Variants in VPS13B observed in about 807,000 individuals in gnomAD.
The protein encoded by VPS13B is vacuolar protein sorting 13 homolog B.
A neutral mutation model predicts 426.4 loss-of-function variants in VPS13B; 285 were observed. The ratio of observed to expected loss-of-function variants is 0.67; its 90% CI spans 0.61 to 0.74. The LOEUF (loss-of-function observed/expected upper bound fraction) is 0.74. Among genes scored for constraint, VPS13B ranks in the 30% least tolerant of loss-of-function variants. The pLI, the probability that VPS13B is intolerant of heterozygous loss-of-function variation, is 0.00. For missense variants in VPS13B, 4,537 were observed against 4,782.6 expected, an observed-to-expected ratio of 0.95 and a Z score of 1.51; for synonymous variants, 1,676 against 1,676.4, an observed-to-expected ratio of 1.00 and a Z score of 0.01.
chr8:99,537,796 G>A (rs1350849174), intron 30 of VPS13B, among the ~76,000 whole-genome samples: 1 of 152,136 alleles, frequency 6.6e-6, no homozygotes, highest in East Asian at 1.9e-4. Flanking sequence ...ATGATGATCA[G>A]TGTTTTGCTA....
At chr8:99,326,450 AGCTTTTTT>A (rs1810264388) in intron 19 of VPS13B, among the ~76,000 whole-genome samples, 1 of 22,686 alleles carries the variant, frequency 4.4e-5, no homozygotes, top group African/African-American at 1.8e-4. Context: ...ATCTCTAGGT[AGCTTTTTT>A]TTTTTTTTTT....
At chr8:99,377,500 C>T (rs977163106) in intron 19 of VPS13B, among the ~76,000 whole-genome samples, 1 of 152,142 alleles carries the variant, frequency 6.6e-6, no homozygotes, top group African/African-American at 2.4e-5. Flanking sequence ...AACAATTTGT[C>T]ATTTCTGTGA....
rs34752686 is a variant in VPS13B, at chr8:99,474,183, A to ATTTTTTTTTTT, written c.3666+6559_3666+6569dup. ...TCTTCAAACAATGGACTGTTATCCA[A>ATTTTTTTTTTT]TTTTTTTTTTTTTTTTTTTTGTGGA... On this transcript the variant is annotated intron_variant, in intron 24 of 61. Coordinates refer to ENST00000357162, the MANE Select transcript of VPS13B (RefSeq NM_152564.5). Among the ~76,000 whole-genome samples, 251 of 124,932 alleles carry ATTTTTTTTTTT rather than the reference A, an allele frequency of 2.0e-3. 12 individuals are homozygous for ATTTTTTTTTTT. The highest frequency in any genetic ancestry group is 7.7e-3 in the African/African-American group (237 of 30,720). 82.0% of individuals were successfully genotyped at this position (124,932 alleles called of 152,430 possible). A position where few individuals can be genotyped will look rare whatever the true frequency, so the allele number is the denominator to read the frequency against.
At chr8:99,870,735 C>CTGTT (rs1001204225) in intron 59 of VPS13B, 50 bp from the exon 60 acceptor site, 2 of 1,533,438 alleles carry the variant, frequency 1.3e-6, no homozygotes, top group African/African-American at 1.4e-5. Context: ...CAGCATGAAA[C>CTGTT]TGTTTTCCAG....
intron 33 of VPS13B, among the ~76,000 whole-genome samples, chr8:99,616,402 T>G (rs1057038686): frequency 6.6e-6 from 1 of 152,134 alleles, no homozygotes; most frequent in Non-Finnish European, 1.5e-5. Flanking sequence ...GTTCTGCCTA[T>G]AGGGGTGAAG....
At position 99,442,318 on chromosome 8, in the gene VPS13B, T is replaced by C. The variant is rs969314005; in HGVS notation, c.3211-83T>C. ...AATATGGAACATTTACTTTTTTTGG[T>C]TGTTTATTCTGGCGAAGATGTTAGG... On this transcript the variant is annotated intron_variant, in intron 22 of 61. Transcript: ENST00000357162. The C allele has an allele frequency of 9.4e-6, 11 of 1,172,088 alleles. No homozygotes were observed. The Admixed American group carries it at 1.8e-4, about 20-fold the overall frequency. 72.6% of individuals were successfully genotyped at this position (1,172,088 alleles called of 1,614,324 possible). A position where few individuals can be genotyped will look rare whatever the true frequency, so the allele number is the denominator to read the frequency against.
chr8:99,142,107 A>T (rs1006074251), intron 12 of VPS13B, among the ~76,000 whole-genome samples: 4 of 152,150 alleles, frequency 2.6e-5, no homozygotes, highest in Non-Finnish European at 5.9e-5. Context: ...TGTTCATATG[A>T]TGAAGACTAA....
chr8:99,757,844 G>C (rs974113345), intron 39 of VPS13B, among the ~76,000 whole-genome samples: 1 of 152,130 alleles, frequency 6.6e-6, no homozygotes, highest in Non-Finnish European at 1.5e-5. Flanking sequence ...TTTAGGTCCT[G>C]TCAAATAATG....
At chr8:99,090,467 A>G (rs1846083252) in intron 3 of VPS13B, among the ~76,000 whole-genome samples, 1 of 151,942 alleles carries the variant, frequency 6.6e-6, no homozygotes, top group Admixed American at 6.6e-5. Context: ...ACAGGGTTAC[A>G]CCATGTTGGC....
intron 19 of VPS13B, among the ~76,000 whole-genome samples, chr8:99,300,547 C>T (rs1055779349): frequency 6.6e-6 from 1 of 152,108 alleles, no homozygotes; most frequent in Non-Finnish European, 1.5e-5. Flanking sequence ...TGTAACCAAC[C>T]CTAATATGTG....
At position 99,071,990 on chromosome 8, in the gene VPS13B, A is replaced by T. The variant is rs77900014; in HGVS notation, c.292-24322A>T. 8.7e-3 allele frequency among the ~76,000 whole-genome samples: 1,318 copies of T among 152,258 alleles called. 16 individuals carry two copies. The highest frequency in any genetic ancestry group is 0.015 in the Admixed American group (237 of 15,302). Reference sequence around the variant, plus strand: ...AGGGCAGTGGGCTCCCCTCTGGCCCAGGACAGACCCAGAAATGCCATCCAG... The same window carrying T: ...AGGGCAGTGGGCTCCCCTCTGGCCCTGGACAGACCCAGAAATGCCATCCAG... On this transcript the variant is annotated intron_variant, in intron 3 of 61. Transcript: ENST00000357162.
rs1588743592 is a variant in VPS13B at position 99,818,515 on chromosome 8, C to G, written c.8426C>G (p.Ser2809Cys). The G allele has an allele frequency of 1.2e-6, 2 of 1,613,934 alleles. No individual in the cohort carries two copies. The highest frequency in any genetic ancestry group is 1.7e-6 in the Non-Finnish European group (2 of 1,179,972). ...ACAGTTTTGACTTTAGAACCCAACT[C>G]TCAAGTGCAACAACGAATGGTGAGT... ...WCTVLTLEPN[S>C]QVQQRMIVFS... Residue 2809 changes from serine to cysteine, a missense_variant, in exon 46 of 62, where the codon TCT (serine) becomes TGT (cysteine). Ser to Cys is a moderately radical substitution (Grantham distance 112, BLOSUM62 -1). Transcript: ENST00000357162.
intron 23 of VPS13B, among the ~76,000 whole-genome samples, chr8:99,449,666 T>C (rs1818091609): frequency 1.3e-5 from 2 of 152,178 alleles, no homozygotes; most frequent in Non-Finnish European, 2.9e-5. Flanking sequence ...GAGGCACTAG[T>C]CTTATGGCTT....
Position 99,720,952 on chromosome 8 carries a change from C to T in VPS13B, c.6955C>T (p.Pro2319Ser). 6.2e-7 allele frequency: 1 copy of T among 1,613,922 alleles called. No homozygotes were observed. Among genetic ancestry groups the T allele is most frequent in the African/African-American group, 1.3e-5 (1 of 75,008 alleles). ...PGMMLWRYPE[P>S]RVLTLVRITP... is the part of the protein sequence containing the mutation. ...GATGATGTTATGGAGATATCCAGAACCTAGAGTACTCACCCTTGTACGAAT... is the reference window on the plus strand; with the variant it reads ...GATGATGTTATGGAGATATCCAGAATCTAGAGTACTCACCCTTGTACGAAT... Residue 2319 changes from proline (P) to serine (S), a missense_variant, in exon 39 of 62, where the codon CCT becomes TCT. This residue lies in a region of VPS13B where 4,311 missense variants were observed against 4,474.3 expected (regional missense o/e 0.96). Transcript: ENST00000357162.
chr8:99,776,469 T>C (rs1396870106), intron 40 of VPS13B, among the ~76,000 whole-genome samples: 3 of 152,252 alleles, frequency 2.0e-5, no homozygotes, highest in African/African-American at 2.4e-5. Flanking sequence ...ATCCAGCTAA[T>C]TTTCTGGATG....
chr8:99,734,180 G>T (rs1046408841), intron 39 of VPS13B, among the ~76,000 whole-genome samples: 5 of 152,138 alleles, frequency 3.3e-5, no homozygotes, highest in African/African-American at 1.2e-4. Context: ...GTTCATCCAT[G>T]TCGTATCATG....
At chr8:99,458,617 G>C (rs1204391081) in intron 23 of VPS13B, among the ~76,000 whole-genome samples, 1 of 152,134 alleles carries the variant, frequency 6.6e-6, no homozygotes, top group African/African-American at 2.4e-5. Context: ...CATTCTAACT[G>C]GTGTGAGATG....
chr8:99,103,076 A>G lies in VPS13B; in HGVS notation c.536A>G (p.Tyr179Cys). Residue 179 changes from tyrosine (Y) to cysteine (C), a missense_variant, in exon 5 of 62, where the codon TAT becomes TGT. Around this residue, in one of 2 missense-constraint regions of VPS13B, gnomAD observed 226 missense variants for 308.3 expected, o/e 0.73. Transcript: ENST00000357162. ...GTCAATATCACTTCTGCAGAATGTT[A>G]TACAGTAGGTGAATTATGGGATCGT... is the stretch of plus-strand genomic sequence containing the variant. ...LSVNITSAEC[Y>C]TVGELWDRAF... The G allele has an allele frequency of 6.2e-7, 1 of 1,614,058 alleles. No individual in the cohort carries two copies. Among genetic ancestry groups the G allele is most frequent in the Non-Finnish European group, 8.5e-7 (1 of 1,179,964 alleles).
At chr8:99,432,074 A>G (rs1288851683) in intron 22 of VPS13B, among the ~76,000 whole-genome samples, 2 of 152,092 alleles carry the variant, frequency 1.3e-5, no homozygotes, top group Non-Finnish European at 2.9e-5. Flanking sequence ...TAAGTTAAAT[A>G]TGAAAATTAT....
Sources: gnomAD v4.1 joint callset for allele counts (sites outside exome capture counted in the v4.1 genomes callset) on GRCh38, gnomAD v4.1.1 for gene constraint, gnomAD v4.1.1 regional missense constraint, MANE v1.5 for transcripts, NCBI Gene and HGNC (gene_info 2026-07-23, HGNC 2026-07-21) for gene names.